SLC10A7: variants seen among roughly 807,000 people sequenced by gnomAD.
SLC10A7 encodes sodium/bile acid cotransporter 7.
In SLC10A7, 29 loss-of-function variants were observed where a neutral mutation model predicts 43.2. That is an observed-to-expected ratio of 0.67 (90% confidence interval 0.50 to 0.92). SLC10A7 has a LOEUF of 0.92. SLC10A7 is among the 40% of genes least tolerant of loss of function. The probability of loss-of-function intolerance (pLI) is 0.00; values close to 1 mark genes in which losing one functional copy is unlikely to be tolerated. For missense variants in SLC10A7, 295 were observed against 403.2 expected, an observed-to-expected ratio of 0.73 and a Z score of 2.30; for synonymous variants, 152 against 144.8, an observed-to-expected ratio of 1.05 and a Z score of -0.35.
At chr4:146,393,567 G>T (rs1738603102) in intron 5 of SLC10A7, among the ~76,000 whole-genome samples, 1 of 152,200 alleles carries the variant, frequency 6.6e-6, no homozygotes, top group African/African-American at 2.4e-5. Context: ...AATAGACATT[G>T]TGCTGGCACT....
chr4:146,262,582 C>T lies in SLC10A7; in HGVS notation c.848-3745G>A, dbSNP rs188847831. ...CTCTTTTGTCCTCATCACTCACTTG[C>T]TTACTAATCCACTTGCTCACTGATT... On this transcript the variant is annotated intron_variant, in intron 10 of 11. Transcript: ENST00000335472. Among the ~76,000 whole-genome samples the T allele has an allele frequency of 1.1e-4, 17 of 152,346 alleles. No homozygotes were observed. In the East Asian group the frequency reaches 2.1e-3, roughly 19 times the overall value.
intron 5 of SLC10A7, among the ~76,000 whole-genome samples, chr4:146,326,414 G>A (rs577004029): frequency 6.6e-5 from 10 of 152,196 alleles, no homozygotes; most frequent in Admixed American, 2.0e-4. Context: ...CAAAGACCAC[G>A]TCAGTTGTGA....
At position 146,255,787 on chromosome 4, in the gene SLC10A7, A is replaced by T. The variant is rs957567979; in HGVS notation, c.*704T>A. 2.0e-5 allele frequency: 3 copies of T among 152,212 alleles called. No individual in the cohort carries two copies. The highest frequency in any genetic ancestry group is 4.4e-5 in the Non-Finnish European group (3 of 68,032). The allele number at this position is 152,212 out of a possible 1,614,324, so 9.4% of individuals were successfully genotyped here. ...TAAGATATATTTTAAAGACCCTGAA[A>T]ATCAAATCACAGAGTTTAACTCAAA... On this transcript the variant is annotated 3_prime_UTR_variant, in exon 12 of 12. Transcript: ENST00000335472.
At chr4:146,498,628 A>T (rs1736128430) in intron 4 of SLC10A7, among the ~76,000 whole-genome samples, 1 of 152,238 alleles carries the variant, frequency 6.6e-6, no homozygotes, top group Non-Finnish European at 1.5e-5. Context: ...AATAGCTTAA[A>T]ATGTAAAAGC....
chr4:146,393,720 A>C (rs1456491596), intron 5 of SLC10A7, among the ~76,000 whole-genome samples: 1 of 152,230 alleles, frequency 6.6e-6, no homozygotes, highest in African/African-American at 2.4e-5. Context: ...CAAGCAGTGA[A>C]TTTGGAAAGT....
intron 5 of SLC10A7, among the ~76,000 whole-genome samples, chr4:146,425,681 T>C (rs544353816): frequency 3.2e-4 from 49 of 152,276 alleles, no homozygotes; most frequent in African/African-American, 1.2e-3. Flanking sequence ...CTTTAAGGTA[T>C]GGTGGGTCAA....
intron 6 of SLC10A7, among the ~76,000 whole-genome samples, chr4:146,307,355 G>C (rs1442792894): frequency 6.6e-6 from 1 of 152,116 alleles, no homozygotes; most frequent in African/African-American, 2.4e-5. Context: ...AATGAAGAGA[G>C]ACAAACAGAA....
intron 5 of SLC10A7, among the ~76,000 whole-genome samples, chr4:146,379,957 CTCTG>C (rs763062293): frequency 5.6e-4 from 81 of 143,764 alleles, no homozygotes; most frequent in African/African-American, 6.3e-4. Flanking sequence ...CTCTCTCTCT[CTCTG>C]TGTGTGTGTG....
chr4:146,461,802 C>A (rs1222953499), intron 4 of SLC10A7, among the ~76,000 whole-genome samples: 1 of 142,096 alleles, frequency 7.0e-6, no homozygotes, highest in South Asian at 2.2e-4. Flanking sequence ...AGGCTAGGTG[C>A]TTAAAAGGAG....
At chr4:146,466,779 G>A (rs1462624385) in intron 4 of SLC10A7, among the ~76,000 whole-genome samples, 4 of 152,088 alleles carry the variant, frequency 2.6e-5, no homozygotes, top group African/African-American at 9.7e-5. Context: ...GTACTTAAGT[G>A]GTTGAGAGAA....
At chr4:146,256,662 C>T in intron 11 of SLC10A7, 142 bp from the exon 12 acceptor site, 1 of 1,068,686 alleles carries the variant, frequency 9.4e-7, no homozygotes, top group Non-Finnish European at 1.4e-6. Flanking sequence ...ATCCAAACCT[C>T]TGGATACAAA....
chr4:146,456,212 T>C (rs1167980264), intron 4 of SLC10A7, among the ~76,000 whole-genome samples: 1 of 151,322 alleles, frequency 6.6e-6, no homozygotes, highest in Non-Finnish European at 1.5e-5. Context: ...AGAAAAACAG[T>C]AAAGAAAAAT....
At chr4:146,387,382 A>C (rs970449900) in intron 5 of SLC10A7, among the ~76,000 whole-genome samples, 2 of 152,220 alleles carry the variant, frequency 1.3e-5, no homozygotes, top group Non-Finnish European at 2.9e-5. Context: ...TGATCATCTC[A>C]ATAGACATAG....
chr4:146,435,399 T>C (rs1730133773), intron 5 of SLC10A7, among the ~76,000 whole-genome samples: 1 of 152,178 alleles, frequency 6.6e-6, no homozygotes, highest in Non-Finnish European at 1.5e-5. Context: ...TAGTGGGGTC[T>C]CAGTCAATGA....
intron 5 of SLC10A7, among the ~76,000 whole-genome samples, chr4:146,330,595 C>G (rs1733463435): frequency 6.6e-6 from 1 of 152,134 alleles, no homozygotes; most frequent in Non-Finnish European, 1.5e-5. Flanking sequence ...ATGATGCATT[C>G]ATTCTGACAA....
intron 7 of SLC10A7, among the ~76,000 whole-genome samples, chr4:146,302,383 A>G (rs1158190131): frequency 6.6e-6 from 1 of 152,186 alleles, no homozygotes; most frequent in African/African-American, 2.4e-5. Context: ...TTGGGTACCT[A>G]TGGTCTGGGA....
At chr4:146,505,236 A>G (rs1243268560) in intron 3 of SLC10A7, among the ~76,000 whole-genome samples, 1 of 152,228 alleles carries the variant, frequency 6.6e-6, no homozygotes, top group Non-Finnish European at 1.5e-5. Context: ...AGCCTACTCA[A>G]TGTGAAGATG....
chr4:146,387,428 T>C (rs1484546493), intron 5 of SLC10A7, among the ~76,000 whole-genome samples: 1 of 152,080 alleles, frequency 6.6e-6, no homozygotes, highest in Non-Finnish European at 1.5e-5. Flanking sequence ...CCCTTCATGA[T>C]AAAAACTCAC....
chr4:146,518,997 C>T (rs1288061542), intron 1 of SLC10A7, among the ~76,000 whole-genome samples: 1 of 144,518 alleles, frequency 6.9e-6, no homozygotes, highest in Non-Finnish European at 1.5e-5. Context: ...ACAATCACGG[C>T]TCCTCCATAG....
Sources: gnomAD v4.1 joint callset for allele counts (sites outside exome capture counted in the v4.1 genomes callset) on GRCh38, gnomAD v4.1.1 for gene constraint, MANE v1.5 for transcripts, NCBI Gene and HGNC (gene_info 2026-07-23, HGNC 2026-07-21) for gene names.